The following NAV2 variants were observed in gnomAD, a reference collection of about 807,000 sequenced individuals.
The protein encoded by NAV2 is neuron navigator 2.
Under a neutral mutation model 223.2 loss-of-function variants are expected in NAV2, and 54 were observed. The ratio of observed to expected loss-of-function variants is 0.24; its 90% CI spans 0.19 to 0.30. NAV2 has a LOEUF of 0.30. Among genes scored for constraint, NAV2 ranks in the 10% least tolerant of loss-of-function variants. The pLI, the probability that NAV2 is intolerant of heterozygous loss-of-function variation, is 1.00. For missense variants in NAV2, 2,806 were observed against 3,147.5 expected, an observed-to-expected ratio of 0.89 and a Z score of 2.60; for synonymous variants, 1,279 against 1,239.3, an observed-to-expected ratio of 1.03 and a Z score of -0.67.
chr11:19,725,163 G>A (rs1238825663), intron 1 of NAV2, among the ~76,000 whole-genome samples: 3 of 152,220 alleles, frequency 2.0e-5, no homozygotes, highest in Non-Finnish European at 4.4e-5. Context: ...ACACTGAGAT[G>A]GATACTTTTG....
intron 1 of NAV2, among the ~76,000 whole-genome samples, chr11:19,596,849 T>A (rs2046218197): frequency 6.6e-6 from 1 of 152,210 alleles, no homozygotes; most frequent in African/African-American, 2.4e-5. Flanking sequence ...GGCTAAACAC[T>A]TCATCTGCAG....
intron 25 of NAV2, 46 bp downstream of exon 25, chr11:20,080,255 T>G: frequency 2.5e-6 from 4 of 1,572,390 alleles, no homozygotes; most frequent in Middle Eastern, 1.7e-4. Flanking sequence ...CAGAGTCAGT[T>G]GCAGAACTGG....
rs548733402 is a variant in NAV2 at position 19,642,238 on chromosome 11, C to T, written c.76-190246C>T. On this transcript the variant is annotated intron_variant, in intron 1 of 37. Coordinates refer to the NAV2 transcript ENST00000360655. ...CAAGTCCCAGCCAGCCCCACCCAGG[C>T]ACAAGCCAGGGAGGAGGCCATTGTT... is the stretch of plus-strand genomic sequence containing the variant. Among the ~76,000 whole-genome samples the T allele has an allele frequency of 3.9e-5, 6 of 152,306 alleles. 1 individual carries two copies. The Middle Eastern group carries it at 0.014, about 345-fold the overall frequency.
At chr11:19,735,459 G>A (rs55834758) in intron 1 of NAV2, among the ~76,000 whole-genome samples, 1,689 of 152,316 alleles carry the variant, frequency 0.011, 8 homozygotes, top group Non-Finnish European at 0.019. Context: ...TACTTACAGA[G>A]CACCTACTAT....
chr11:19,648,705 G>A (rs372578095), intron 1 of NAV2, among the ~76,000 whole-genome samples: 2 of 152,264 alleles, frequency 1.3e-5, no homozygotes, highest in East Asian at 3.9e-4. Context: ...CTCTGCTATG[G>A]TTAGCCTTCA....
At chr11:19,906,255 T>C (rs1289046125) in intron 6 of NAV2, among the ~76,000 whole-genome samples, 1 of 152,188 alleles carries the variant, frequency 6.6e-6, no homozygotes, top group African/African-American at 2.4e-5. Context: ...AGTTGAAATG[T>C]ACAAGGCCCT....
At chr11:20,023,044 C>G in intron 11 of NAV2, 2 of 1,549,094 alleles carry the variant, frequency 1.3e-6, no homozygotes, top group East Asian at 4.9e-5. Flanking sequence ...AAAGGACTTG[C>G]CATCCTGTGA....
At chr11:19,853,396 C>T (rs1008045979) in intron 3 of NAV2, among the ~76,000 whole-genome samples, 3 of 152,220 alleles carry the variant, frequency 2.0e-5, no homozygotes, top group African/African-American at 7.2e-5. Context: ...GTTAGGATGC[C>T]TTCAAGCTAG....
chr11:19,925,072 G>C (rs187356623), intron 6 of NAV2, among the ~76,000 whole-genome samples: 2 of 152,178 alleles, frequency 1.3e-5, no homozygotes, highest in Non-Finnish European at 2.9e-5. Flanking sequence ...ATTTTTATTG[G>C]CCATTTGCAT....
intron 1 of NAV2, among the ~76,000 whole-genome samples, chr11:19,495,465 G>T (rs754830406): frequency 6.6e-6 from 1 of 152,218 alleles, no homozygotes; most frequent in East Asian, 1.9e-4. Flanking sequence ...GCTGCCCAGA[G>T]GTGGTGACAC....
chr11:19,787,270 C>CTTTT (rs757183666), intron 1 of NAV2, among the ~76,000 whole-genome samples: 1,435 of 54,984 alleles, frequency 0.026, 433 homozygotes, highest in African/African-American at 0.063. Context: ...TTTATTGGAT[C>CTTTT]TTTTTTTTTT....
intron 6 of NAV2, among the ~76,000 whole-genome samples, chr11:19,927,925 C>T (rs1425601544): frequency 6.6e-6 from 1 of 152,060 alleles, no homozygotes; most frequent in Non-Finnish European, 1.5e-5. Context: ...TTAAAATTAC[C>T]TTTGGCTCAA....
At chr11:20,069,136 G>T (rs2153638516) in intron 22 of NAV2, among the ~76,000 whole-genome samples, 1 of 152,150 alleles carries the variant, frequency 6.6e-6, no homozygotes, top group South Asian at 2.1e-4. Context: ...TTAAAAGGGG[G>T]ACAGGAAGGA....
intron 1 of NAV2, among the ~76,000 whole-genome samples, chr11:19,478,545 A>G (rs894038830): frequency 6.6e-6 from 1 of 152,358 alleles, no homozygotes; most frequent in Non-Finnish European, 1.5e-5. Flanking sequence ...AATTCATCAA[A>G]TATTGTAATC....
intron 19 of NAV2, among the ~76,000 whole-genome samples, chr11:20,059,464 TA>T (rs1288253546): frequency 3.0e-4 from 45 of 152,214 alleles, no homozygotes; most frequent in Non-Finnish European, 1.2e-4. Context: ...TCATTCTATC[TA>T]GTGTTTTCAC....
At chr11:19,433,616 C>T (rs998914211) in intron 1 of NAV2, among the ~76,000 whole-genome samples, 3 of 152,210 alleles carry the variant, frequency 2.0e-5, no homozygotes, top group South Asian at 2.1e-4. Context: ...AACTGAAAGG[C>T]GGTGGTATGG....
intron 10 of NAV2, among the ~76,000 whole-genome samples, chr11:19,968,864 C>G (rs940598028): frequency 2.0e-5 from 3 of 152,142 alleles, no homozygotes; most frequent in Non-Finnish European, 4.4e-5. Flanking sequence ...GTCTTTCCCC[C>G]CAGAGTGCTC....
chr11:19,899,718 G>T (rs777411841), intron 6 of NAV2, among the ~76,000 whole-genome samples: 6 of 152,138 alleles, frequency 3.9e-5, no homozygotes, highest in Non-Finnish European at 8.8e-5. Context: ...GACTCAGGGA[G>T]GACTTCCGAG....
chr11:19,525,836 A>T (rs975537213), intron 1 of NAV2, among the ~76,000 whole-genome samples: 1 of 151,990 alleles, frequency 6.6e-6, no homozygotes, highest in Non-Finnish European at 1.5e-5. Flanking sequence ...TCCCTCATTG[A>T]TATGGAATCC....
Sources: gnomAD v4.1 joint callset for allele counts (sites outside exome capture counted in the v4.1 genomes callset) on GRCh38, gnomAD v4.1.1 for gene constraint, MANE v1.5 for transcripts, NCBI Gene and HGNC (gene_info 2026-07-23, HGNC 2026-07-21) for gene names.